NFKBID: variants seen among roughly 807,000 people sequenced by gnomAD.
NFKBID encodes NF-kappa-B inhibitor delta.
NFKBID carries 26 observed loss-of-function variants against 53.4 expected under a neutral mutation model. That is an observed-to-expected ratio of 0.49 (90% CI 0.36 to 0.68). The LOEUF is 0.68. NFKBID is among the 30% of genes least tolerant of loss of function. The pLI is 0.00. For missense variants in NFKBID, 493 were observed against 614.1 expected, an observed-to-expected ratio of 0.80 and a Z score of 2.08; for synonymous variants, 262 against 259.8, an observed-to-expected ratio of 1.01 and a Z score of -0.08.
At chr19:35,897,841 G>A (rs754950917) in exon 4 of NFKBID, 5 of 1,552,144 alleles carry the variant, frequency 3.2e-6, no homozygotes, top group Non-Finnish European at 2.6e-6. Flanking sequence ...CGAGTGTGCT[G>A]GGAAGGGAGG....
At chr19:35,897,954 G>A (rs1975298763) in intron 3 of NFKBID, 98 bp from the exon 4 acceptor site, 7 of 797,798 alleles carry the variant, frequency 8.8e-6, no homozygotes, top group Non-Finnish European at 1.4e-5. Context: ...GGTACTGAGA[G>A]TTAGTACTTC....
intron 9 of NFKBID, among the ~76,000 whole-genome samples, chr19:35,892,543 C>CAAAAAAAA (rs112001334): frequency 4.5e-5 from 5 of 112,270 alleles, no homozygotes; most frequent in African/African-American, 1.4e-4. Flanking sequence ...GACTCCATCT[C>CAAAAAAAA]AAAAAAAAAA....
At chr19:35,900,042 C>A (rs1273630886) in intron 1 of NFKBID, among the ~76,000 whole-genome samples, 1 of 146,680 alleles carries the variant, frequency 6.8e-6, no homozygotes, top group African/African-American at 2.5e-5. Flanking sequence ...GACCCTTCCC[C>A]ACCGAGACCC....
chr19:35,897,742 C>T, exon 4 of NFKBID: 1 of 1,612,730 alleles, frequency 6.2e-7, no homozygotes, highest in Non-Finnish European at 8.5e-7. Context: ...AGAAGCAGGG[C>T]AAGAGTAGGG....
intron 9 of NFKBID, chr19:35,890,841 G>A: frequency 5.8e-6 from 2 of 345,626 alleles, no homozygotes; most frequent in Non-Finnish European, 1.1e-5. Context: ...TCCAGCATGG[G>A]TGACAGAGTG....
At chr19:35,900,975 G>A (rs1181025319), upstream of NFKBID, among the ~76,000 whole-genome samples, 1 of 151,926 alleles carries the variant, frequency 6.6e-6, no homozygotes, top group East Asian at 1.9e-4. Context: ...TGACACTACA[G>A]GTGCTGGACA....
exon 4 of NFKBID, chr19:35,897,742 C>A: frequency 6.2e-7 from 1 of 1,612,730 alleles, no homozygotes; most frequent in South Asian, 1.1e-5. Flanking sequence ...AGAAGCAGGG[C>A]AAGAGTAGGG....
At position 35,896,736 on chromosome 19, in the gene NFKBID, T is replaced by C; in HGVS notation, c.674A>G (p.His225Arg). 6.2e-7 allele frequency: 1 copy of C among 1,613,616 alleles called. No individual in the cohort carries two copies. Among genetic ancestry groups the C allele is most frequent in the Non-Finnish European group, 8.5e-7 (1 of 1,179,736 alleles). Residue 225 changes from histidine (H) to arginine (R), a missense_variant, in exon 6 of 12, where the codon CAT becomes CGT. Around this residue, in one of 2 missense-constraint regions of NFKBID, gnomAD observed 267 missense variants for 384.6 expected, o/e 0.69. Transcript: ENST00000641389. This position sits in a 1 kb window ranked among gnomAD's most constrained non-coding sequence, Gnocchi z 5.7. ...GGCCCCAAGCCTCACCTTGCCCTTA[T>C]GCTCACGAATGTCAAGACGCCGGTA...
At chr19:35,891,275 T>G (rs77463327) in intron 9 of NFKBID, among the ~76,000 whole-genome samples, 1 of 152,344 alleles carries the variant, frequency 6.6e-6, no homozygotes, top group African/African-American at 2.4e-5. Context: ...CCTTTTTATG[T>G]GTCTTTAAGG....
exon 4 of NFKBID, chr19:35,897,735 A>C (rs202136864): frequency 6.2e-7 from 1 of 1,613,152 alleles, no homozygotes; most frequent in African/African-American, 1.3e-5. Context: ...CGGCAGCAGA[A>C]GCAGGGCAAG....
chr19:35,897,147 C>T, intron 4 of NFKBID, 89 bp from the exon 5 acceptor site: 1 of 1,387,976 alleles, frequency 7.2e-7, no homozygotes, highest in Non-Finnish European at 9.8e-7. Flanking sequence ...GCTGAGAATT[C>T]CTCCATCCCA....
At chr19:35,898,420 C>T (rs1975335328) in intron 3 of NFKBID, 52 bp downstream of exon 3, 15 of 1,187,654 alleles carry the variant, frequency 1.3e-5, no homozygotes, top group East Asian at 5.1e-5. Flanking sequence ...GCTGCGATGT[C>T]TGAGTCCCTT....
chr19:35,897,480 G>A, intron 4 of NFKBID, 171 bp downstream of exon 4: 1 of 657,480 alleles, frequency 1.5e-6, no homozygotes, highest in Non-Finnish European at 2.8e-6. Context: ...CTGACCTCAA[G>A]TGATCCGCCT....
At position 35,896,077 on chromosome 19, in the gene NFKBID, G is replaced by A; in HGVS notation, c.935C>T (p.Pro312Leu). The A allele has an allele frequency of 6.2e-7, 1 of 1,614,200 alleles. No homozygotes were observed. The highest frequency in any genetic ancestry group is 1.1e-5 in the South Asian group (1 of 91,086). ...CAGCACCCGGGGACAGAGGTCGGAAGGGCGCATAGCAACGTTAAGGGCCAG... is the reference window on the plus strand; with the variant it reads ...CAGCACCCGGGGACAGAGGTCGGAAAGGCGCATAGCAACGTTAAGGGCCAG... The change falls in exon 9 of 12, where the codon CCT (proline) becomes CTT (leucine). Residue 312 changes from proline to leucine, a missense_variant. This residue lies in a region of NFKBID where 267 missense variants were observed against 384.6 expected (regional missense o/e 0.69). Transcript: ENST00000641389. This position sits in a 1 kb window ranked among gnomAD's most constrained non-coding sequence, Gnocchi z 5.7.
upstream of NFKBID, chr19:35,900,776 G>A (rs993065257): frequency 1.5e-5 from 6 of 398,946 alleles, no homozygotes; most frequent in African/African-American, 1.2e-4. Flanking sequence ...AGAGGAGGGA[G>A]AAACCGGGGG....
intron 9 of NFKBID, among the ~76,000 whole-genome samples, chr19:35,893,229 T>C (rs575143006): frequency 6.6e-6 from 1 of 152,294 alleles, no homozygotes; most frequent in Admixed American, 6.5e-5. Context: ...GGTAGCTACA[T>C]CATATGTGTC....
Position 35,896,563 on chromosome 19 carries a change from T to C in NFKBID, c.685-25A>G, listed in dbSNP as rs199629484. The C allele has an allele frequency of 4.7e-4, 757 of 1,612,488 alleles. No homozygotes were observed. Among genetic ancestry groups the C allele is most frequent in the Non-Finnish European group, 6.2e-4 (732 of 1,178,934 alleles). On this transcript the variant is annotated intron_variant, in intron 6 of 11. Transcript: ENST00000641389. This position sits in a 1 kb window ranked among gnomAD's most constrained non-coding sequence, Gnocchi z 5.7. The stretch of plus-strand genomic sequence containing the variant: ...TCTGCAGGCCACAGGAGAAGTCAGG[T>C]TGGGCTCCTGGTTCCCTCCCGTCAG...
chr19:35,898,398 A>G (rs970168342), intron 3 of NFKBID, 74 bp downstream of exon 3: 7 of 974,490 alleles, frequency 7.2e-6, no homozygotes, highest in Non-Finnish European at 3.0e-6. Flanking sequence ...CAGGTGTCCC[A>G]AAGTTCTGAG....
At chr19:35,890,107 C>A in intron 10 of NFKBID, 53 bp from the exon 11 acceptor site, 1 of 1,513,820 alleles carries the variant, frequency 6.6e-7, no homozygotes, top group South Asian at 1.2e-5. Flanking sequence ...TGGCCCAGGC[C>A]TCTAAACTGC....
Sources: gnomAD v4.1 joint callset for allele counts (sites outside exome capture counted in the v4.1 genomes callset) on GRCh38, gnomAD v4.1.1 for gene constraint, gnomAD v4.1.1 regional missense constraint, Gnocchi (gnomAD v3.1) non-coding constraint, MANE v1.5 for transcripts, NCBI Gene and HGNC (gene_info 2026-07-23, HGNC 2026-07-21) for gene names.